Variants in KCNMB1 observed in about 807,000 individuals in gnomAD.
KCNMB1 encodes calcium-activated potassium channel subunit beta-1.
A neutral mutation model predicts 21.7 loss-of-function variants in KCNMB1; 22 were observed. That is an observed-to-expected ratio of 1.01 (90% CI 0.72 to 1.45). The LOEUF (loss-of-function observed/expected upper bound fraction) is 1.45. KCNMB1 is among the 40% of genes most tolerant of loss of function. The pLI is 0.00. For synonymous variants in KCNMB1, 114 were observed against 107.6 expected (o/e 1.06, Z -0.37); for missense variants, 243 against 243.4 (o/e 1.00, Z 0.01).
At chr5:170,379,142 C>T (rs2301148) in intron 3 of KCNMB1, among the ~76,000 whole-genome samples, 169 bp from the exon 4 acceptor site, 14,383 of 152,198 alleles carry the variant, frequency 0.095, 725 homozygotes, top group Middle Eastern at 0.21. Context: ...CTGGAGAGCA[C>T]GCTCTCATTT....
intron 3 of KCNMB1, among the ~76,000 whole-genome samples, chr5:170,379,997 A>T (rs1764177172): frequency 6.6e-6 from 1 of 152,024 alleles, no homozygotes; most frequent in African/African-American, 2.4e-5. Context: ...AAAATTGAAA[A>T]CCTTTGCAGT....
At position 170,378,722 on chromosome 5, in the gene KCNMB1, G is replaced by T. The variant is rs530892093; in HGVS notation, c.558C>A (p.Ile186=). The T allele has an allele frequency of 2.5e-6, 4 of 1,612,526 alleles. No individual in the cohort carries two copies. Among genetic ancestry groups the T allele is most frequent in the Admixed American group, 1.7e-5 (1 of 59,754 alleles). Residue 186 remains isoleucine, a synonymous_variant, in exon 4 of 4, where the codon ATC becomes ATA. Coordinates refer to ENST00000274629, the MANE Select transcript of KCNMB1 (RefSeq NM_004137.4). ...GATGGCTCTACTTCTGGGCCGCCAG[G>T]ATGGACAGGTACTGGTTGCTCTTCA... ...AMVKSNQYLS[I]LAAQK
chr5:170,380,788 G>C (rs1168041122), intron 3 of KCNMB1, among the ~76,000 whole-genome samples: 1 of 152,222 alleles, frequency 6.6e-6, no homozygotes, highest in African/African-American at 2.4e-5. Flanking sequence ...TTAAATAGCA[G>C]TGTGGCTATG....
intron 3 of KCNMB1, among the ~76,000 whole-genome samples, chr5:170,380,574 G>T (rs184241710): frequency 0.026 from 3,978 of 152,326 alleles, 115 homozygotes; most frequent in African/African-American, 0.066. Context: ...AAATGCAGAT[G>T]CTGCACTCAG....
At chr5:170,383,585 A>T (rs1389755004) in intron 3 of KCNMB1, 94 bp downstream of exon 3, 1 of 1,408,340 alleles carries the variant, frequency 7.1e-7, no homozygotes, top group African/African-American at 1.4e-5. Flanking sequence ...AAGTGGGTTG[A>T]TCTTTCTCAG....
chr5:170,385,337 A>G lies in KCNMB1; in HGVS notation c.111T>C (p.Thr37=). ...AVITYYILVT[T]VLPLYQKSVW... is the part of the protein sequence containing the mutation. ...ACCTTTTCTGGTAGAGGGGCAGCAC[A>G]GTCGTGACCAGGATGTAGTAGGTGA... Residue 37 remains threonine, a synonymous_variant, in exon 2 of 4, where the codon ACT becomes ACC. Transcript: ENST00000274629. 6.2e-7 allele frequency: 1 copy of G among 1,614,150 alleles called. No homozygotes were observed. The highest frequency in any genetic ancestry group is 8.5e-7 in the Non-Finnish European group (1 of 1,180,020).
At chr5:170,387,158 A>C (rs1009642037) in intron 1 of KCNMB1, among the ~76,000 whole-genome samples, 2 of 152,208 alleles carry the variant, frequency 1.3e-5, no homozygotes, top group African/African-American at 4.8e-5. Flanking sequence ...GAAGCTATCA[A>C]TGTAATCCTC....
At chr5:170,383,281 T>G in intron 3 of KCNMB1, 1 of 401,498 alleles carries the variant, frequency 2.5e-6, no homozygotes, top group East Asian at 4.3e-5. Context: ...CTCATTTGAC[T>G]GAGGTTGTAG....
intron 1 of KCNMB1, among the ~76,000 whole-genome samples, chr5:170,386,601 C>T (rs536385906): frequency 1.3e-5 from 2 of 151,912 alleles, no homozygotes; most frequent in African/African-American, 4.8e-5. Flanking sequence ...CTAGCTGGGC[C>T]GGGCACAGGC....
Position 170,377,985 on chromosome 5 carries a change from T to C in KCNMB1, c.*719A>G, listed in dbSNP as rs1248971149. On this transcript the variant is annotated 3_prime_UTR_variant, in exon 4 of 4. Coordinates refer to ENST00000274629, the MANE Select transcript of KCNMB1 (RefSeq NM_004137.4). ...GTGAGGGGGACACACTCTTTCAACT[T>C]TTCCAAAATGGCATCTACCATGGCT... 2.0e-5 allele frequency: 3 copies of C among 152,162 alleles called. No individual in the cohort carries two copies. Among genetic ancestry groups the C allele is most frequent in the Non-Finnish European group, 4.4e-5 (3 of 68,040 alleles). The allele number at this position is 152,162 out of a possible 1,614,324, so 9.4% of individuals were successfully genotyped here.
Position 170,378,785 on chromosome 5 carries a change from G to A in KCNMB1, c.495C>T (p.Thr165=). 6.2e-7 allele frequency: 1 copy of A among 1,614,248 alleles called. No individual in the cohort carries two copies. The highest frequency in any genetic ancestry group is 1.6e-4 in the Middle Eastern group (1 of 6,062). The change falls in exon 4 of 4, where the codon ACC becomes ACT. Residue 165 remains threonine (T), a synonymous_variant. Transcript: ENST00000274629. ...TGAGGAGGCCACCGGTCAGCAGGAAGGTGGGCCAGAAGAGGGAGAAGAGGA... is the reference window on the plus strand; with the variant it reads ...TGAGGAGGCCACCGGTCAGCAGGAAAGTGGGCCAGAAGAGGGAGAAGAGGA... ...QALLFSLFWP[T]FLLTGGLLII...
intron 2 of KCNMB1, 45 bp downstream of exon 2, chr5:170,385,269 C>T (rs760953704): frequency 6.2e-7 from 1 of 1,611,562 alleles, no homozygotes; most frequent in Admixed American, 1.7e-5. Flanking sequence ...ATGCCAGACC[C>T]TTAGGAGAGG....
chr5:170,381,435 A>G (rs1764235786), intron 3 of KCNMB1, among the ~76,000 whole-genome samples: 1 of 152,222 alleles, frequency 6.6e-6, no homozygotes, highest in Non-Finnish European at 1.5e-5. Context: ...GGGTGGGATG[A>G]GAGTCTTCTT....
chr5:170,384,431 G>T (rs960077220), intron 2 of KCNMB1, among the ~76,000 whole-genome samples: 1 of 152,178 alleles, frequency 6.6e-6, no homozygotes, highest in Non-Finnish European at 1.5e-5. Flanking sequence ...AAAGATGGTG[G>T]GGACAGTCTC....
In KCNMB1 at chr5:170,385,435, GCTT is replaced by G; in HGVS notation, c.10_12del (p.Lys4del). On this transcript the variant is annotated inframe_deletion, in exon 2 of 4. Transcript: ENST00000274629. The stretch of plus-strand genomic sequence containing the variant: ...TCTCCCCGCTTCTGGGCCATCACCA[GCTT>G]CTTCACCATATTCACTGGGGGCAGT... 1 of 1,614,160 alleles carries G rather than the reference GCTT, an allele frequency of 6.2e-7. No homozygotes were observed. Among genetic ancestry groups the G allele is most frequent in the Non-Finnish European group, 8.5e-7 (1 of 1,180,030 alleles).
At chr5:170,388,125 C>T (rs1764560483) in intron 1 of KCNMB1, among the ~76,000 whole-genome samples, 1 of 152,182 alleles carries the variant, frequency 6.6e-6, no homozygotes, top group Non-Finnish European at 1.5e-5. Flanking sequence ...CCTGGTTTTA[C>T]CAGTTTTAGG....
At position 170,378,148 on chromosome 5, in the gene KCNMB1, G is replaced by A. The variant is rs1230392996; in HGVS notation, c.*556C>T. On this transcript the variant is annotated 3_prime_UTR_variant, in exon 4 of 4. Coordinates refer to ENST00000274629, the MANE Select transcript of KCNMB1 (RefSeq NM_004137.4). ...CTAAAATTTTGATGAGTTCTCATGTGTTTCCTTGCAGCTGATTGTTGTTTG... is the reference window on the plus strand; with the variant it reads ...CTAAAATTTTGATGAGTTCTCATGTATTTCCTTGCAGCTGATTGTTGTTTG... 1 of 152,304 alleles carries A rather than the reference G, an allele frequency of 6.6e-6. No homozygotes were observed. The highest frequency in any genetic ancestry group is 2.4e-5 in the African/African-American group (1 of 41,454). 9.4% of individuals were successfully genotyped at this position (152,304 alleles called of 1,614,324 possible).
At chr5:170,379,381 G>A (rs1334018254) in intron 3 of KCNMB1, among the ~76,000 whole-genome samples, 5 of 152,188 alleles carry the variant, frequency 3.3e-5, no homozygotes, top group African/African-American at 9.6e-5. Context: ...GGAAACCAGG[G>A]AGGGACACAG....
At chr5:170,388,020 C>A (rs536272919) in intron 1 of KCNMB1, among the ~76,000 whole-genome samples, 28 of 141,572 alleles carry the variant, frequency 2.0e-4, no homozygotes, top group South Asian at 4.3e-4. Context: ...GCTAATCAGC[C>A]CCCCCCAGCG....
Sources: gnomAD v4.1 joint callset for allele counts (sites outside exome capture counted in the v4.1 genomes callset) on GRCh38, gnomAD v4.1.1 for gene constraint, MANE v1.5 for transcripts, NCBI Gene and HGNC (gene_info 2026-07-23, HGNC 2026-07-21) for gene names.